The following NUDT21 variants were observed in gnomAD, a reference collection of about 807,000 sequenced individuals.
The protein encoded by NUDT21 is cleavage and polyadenylation specificity factor subunit 5.
In NUDT21, 5 loss-of-function variants were observed where a neutral mutation model predicts 29.8. That is an observed-to-expected ratio of 0.17 (90% CI 0.09 to 0.35). The LOEUF (loss-of-function observed/expected upper bound fraction) is 0.35, where lower values mean the gene tolerates loss of function less well. Among genes scored for constraint, NUDT21 ranks in the 10% least tolerant of loss-of-function variants. The pLI is 1.00. For synonymous variants in NUDT21, 113 were observed against 98.5 expected (o/e 1.15, Z -0.87); for missense variants, 76 against 276.0 (o/e 0.28, Z 5.13).
intron 4 of NUDT21, among the ~76,000 whole-genome samples, chr16:56,436,725 GGTCTTAAT>G (rs1217976572): frequency 2.0e-5 from 3 of 152,200 alleles, no homozygotes; most frequent in Admixed American, 1.3e-4. Flanking sequence ...TTTCTTCTCT[GGTCTTAAT>G]GTTTAAGTTG....
Position 56,429,649 on chromosome 16 carries a change from G to A in NUDT21, c.*3063C>T, listed in dbSNP as rs1962010837. 1 of 152,182 alleles carries A rather than the reference G, an allele frequency of 6.6e-6. No homozygotes were observed. Among genetic ancestry groups the A allele is most frequent in the Non-Finnish European group, 1.5e-5 (1 of 68,030 alleles). The allele number at this position is 152,182 out of a possible 1,614,324, so 9.4% of individuals were successfully genotyped here. Reference sequence around the variant, plus strand: ...CAGTTTAACCCAAATAATCAGTGATGTATAACAAGTGAAGTAAGTATGGGA... The same window carrying A: ...CAGTTTAACCCAAATAATCAGTGATATATAACAAGTGAAGTAAGTATGGGA... On this transcript the variant is annotated 3_prime_UTR_variant, in exon 7 of 7. Coordinates refer to ENST00000300291, the MANE Select transcript of NUDT21 (RefSeq NM_007006.3).
intron 4 of NUDT21, among the ~76,000 whole-genome samples, chr16:56,435,610 C>A (rs1328492111): frequency 2.7e-5 from 4 of 146,716 alleles, no homozygotes; most frequent in African/African-American, 1.0e-4. Context: ...CCTGTAGTCC[C>A]AGCTACTCGG....
At chr16:56,436,858 T>A (rs1329161672) in intron 4 of NUDT21, among the ~76,000 whole-genome samples, 2 of 152,128 alleles carry the variant, frequency 1.3e-5, no homozygotes, top group African/African-American at 4.8e-5. Context: ...TTATGTCAAA[T>A]ACCACCAGGG....
chr16:56,445,911 G>C (rs1358435873), intron 3 of NUDT21, among the ~76,000 whole-genome samples: 2 of 152,154 alleles, frequency 1.3e-5, no homozygotes, highest in African/African-American at 4.8e-5. Flanking sequence ...CAAACCAATA[G>C]GTCAAAAGTG....
intron 1 of NUDT21, among the ~76,000 whole-genome samples, chr16:56,450,201 G>A (rs1270233167): frequency 6.6e-6 from 1 of 152,070 alleles, no homozygotes; most frequent in Non-Finnish European, 1.5e-5. Flanking sequence ...TAAAATGGAG[G>A]CACCGCGTTG....
At chr16:56,447,698 G>C (rs1596958050) in intron 2 of NUDT21, 91 bp downstream of exon 2, 2 of 1,140,306 alleles carry the variant, frequency 1.8e-6, no homozygotes, top group Non-Finnish European at 2.6e-6. Flanking sequence ...TTGTTGAAAT[G>C]AATGACCGAG....
At chr16:56,447,570 T>C (rs1262237415) in intron 2 of NUDT21, 5 of 526,246 alleles carry the variant, frequency 9.5e-6, no homozygotes, top group African/African-American at 1.9e-5. Flanking sequence ...AGCTCAATCA[T>C]TAACATCAAC....
chr16:56,443,216 G>T (rs1962179915), intron 3 of NUDT21, among the ~76,000 whole-genome samples: 1 of 148,940 alleles, frequency 6.7e-6, no homozygotes. Flanking sequence ...TTGCTCTGTT[G>T]CCCAGGCTGG....
At chr16:56,448,915 G>A (rs1371318131) in intron 1 of NUDT21, among the ~76,000 whole-genome samples, 3 of 152,040 alleles carry the variant, frequency 2.0e-5, no homozygotes, top group East Asian at 3.8e-4. Flanking sequence ...TTCTTGAAAG[G>A]GGAAAAAATC....
chr16:56,446,956 G>C (rs1215021510), intron 2 of NUDT21: 1 of 311,880 alleles, frequency 3.2e-6, no homozygotes, highest in African/African-American at 2.2e-5. Context: ...GTACAAGTTT[G>C]TTACATAGGT....
chr16:56,439,427 C>T (rs1417257971), intron 4 of NUDT21: 2 of 447,880 alleles, frequency 4.5e-6, no homozygotes, highest in South Asian at 2.3e-5. Flanking sequence ...CCACCCGCCT[C>T]GGCCTCCTGA....
chr16:56,437,905 C>T (rs1390098050), intron 4 of NUDT21, among the ~76,000 whole-genome samples: 1 of 151,770 alleles, frequency 6.6e-6, no homozygotes, highest in Non-Finnish European at 1.5e-5. Context: ...TTTTTTTCTA[C>T]ACAAACCACA....
In NUDT21 at chr16:56,446,626, C is replaced by T; in HGVS notation, c.381G>A (p.Glu127=). The change falls in exon 3 of 7, where the codon GAG becomes GAA. Residue 127 remains glutamate (E), a splice_region_variant and synonymous_variant. Transcript: ENST00000300291. ...EVEGLKRLMT[E]ILGRQDGVLQ... The stretch of plus-strand genomic sequence containing the variant: ...TCAAAGTGGTTAAACAGAAAAATAC[C>T]TCTGTCATTAAGCGTTTTAGTCCTT... 6.3e-7 allele frequency: 1 copy of T among 1,587,862 alleles called. No homozygotes were observed. Among genetic ancestry groups the T allele is most frequent in the South Asian group, 1.1e-5 (1 of 89,196 alleles).
At chr16:56,440,152 T>C (rs1324185285) in intron 3 of NUDT21, among the ~76,000 whole-genome samples, 4 of 152,254 alleles carry the variant, frequency 2.6e-5, no homozygotes, top group Non-Finnish European at 4.4e-5. Flanking sequence ...TTGGTTGTTT[T>C]TCCCCTCATG....
intron 6 of NUDT21, among the ~76,000 whole-genome samples, chr16:56,433,844 G>A (rs1392205107): frequency 1.3e-5 from 2 of 151,816 alleles, no homozygotes; most frequent in African/African-American, 2.4e-5. Context: ...TGGCCACCAC[G>A]CCTCACTAAT....
intron 1 of NUDT21, among the ~76,000 whole-genome samples, chr16:56,449,803 A>G (rs1962262440): frequency 6.6e-6 from 1 of 152,154 alleles, no homozygotes; most frequent in Admixed American, 6.5e-5. Context: ...AAATTTTTGT[A>G]GAGACAGCCT....
Position 56,451,209 on chromosome 16 carries a change from G to A in NUDT21, c.-7C>T, listed in dbSNP as rs201974678. The A allele has an allele frequency of 3.8e-6, 6 of 1,587,794 alleles. No individual in the cohort carries two copies. The African/African-American group carries it at 8.1e-5, about 21-fold the overall frequency. On this transcript the variant is annotated 5_prime_UTR_variant, in exon 1 of 7. Coordinates refer to ENST00000300291, the MANE Select transcript of NUDT21 (RefSeq NM_007006.3). ...TGGGCGGTACCACAGACATGCTGGC[G>A]AGCTCCGGCGCTGACGGCGAGCAGA...
At chr16:56,450,682 A>G (rs1448511492) in intron 1 of NUDT21, among the ~76,000 whole-genome samples, 2 of 152,224 alleles carry the variant, frequency 1.3e-5, no homozygotes, top group Non-Finnish European at 2.9e-5. Flanking sequence ...CAAAAATGAT[A>G]CTAGGTTATA....
Position 56,451,315 on chromosome 16 carries a change from A to G in NUDT21, c.-113T>C, listed in dbSNP as rs1962315086. The G allele has an allele frequency of 1.2e-6, 1 of 867,392 alleles. No individual in the cohort carries two copies. Among genetic ancestry groups the G allele is most frequent in the South Asian group, 1.6e-5 (1 of 61,790 alleles). The allele number at this position is 867,392 out of a possible 1,614,324, so 53.7% of individuals were successfully genotyped here. ...TCAGCGGCTACTGCCCGCCATTAAC[A>G]GGACAGCGCAAGAGGAGGCGTAGGC... On this transcript the variant is annotated 5_prime_UTR_variant, in exon 1 of 7. Coordinates refer to ENST00000300291, the MANE Select transcript of NUDT21 (RefSeq NM_007006.3).
Sources: gnomAD v4.1 joint callset for allele counts (sites outside exome capture counted in the v4.1 genomes callset) on GRCh38, gnomAD v4.1.1 for gene constraint, MANE v1.5 for transcripts, NCBI Gene and HGNC (gene_info 2026-07-23, HGNC 2026-07-21) for gene names.